NEGR1: variants seen among roughly 807,000 people sequenced by gnomAD.
NEGR1 encodes IgLON family member 4.
In NEGR1, 10 loss-of-function variants were observed where a neutral mutation model predicts 40.9. The ratio of observed to expected loss-of-function variants is 0.24; its 90% CI spans 0.15 to 0.42. NEGR1 has a LOEUF of 0.42. NEGR1 is among the 10% of genes least tolerant of loss of function. The pLI is 1.00. For missense variants in NEGR1, 352 were observed against 438.9 expected, an observed-to-expected ratio of 0.80 and a Z score of 1.77; for synonymous variants, 185 against 166.8, an observed-to-expected ratio of 1.11 and a Z score of -0.84.
At position 71,862,682 on chromosome 1, in the gene NEGR1, T is replaced by C. The variant is rs143563879; in HGVS notation, c.409+72397A>G. 2.8e-4 allele frequency among the ~76,000 whole-genome samples: 42 copies of C among 152,172 alleles called. 1 individual carries two copies. In the East Asian group the frequency reaches 7.9e-3, roughly 29 times the overall value. On this transcript the variant is annotated intron_variant, in intron 2 of 6. Transcript: ENST00000357731. ...ATTTTCTAGTGCAATGCTGGGTACA[T>C]CATATGCCATCAAAAATACATTTGA...
intron 1 of NEGR1, among the ~76,000 whole-genome samples, chr1:72,147,963 C>T (rs756027706): frequency 2.0e-5 from 3 of 152,128 alleles, no homozygotes; most frequent in Non-Finnish European, 2.9e-5. Context: ...CAGCCTCCCT[C>T]CTGGTTGCTT....
intron 1 of NEGR1, among the ~76,000 whole-genome samples, chr1:72,171,823 A>G (rs977497883): frequency 1.3e-5 from 2 of 152,208 alleles, no homozygotes; most frequent in African/African-American, 4.8e-5. Flanking sequence ...ATGAGGAAAC[A>G]CCAAATAATG....
chr1:72,083,756 A>G lies in NEGR1; in HGVS notation c.177-148445T>C, dbSNP rs569653816. 5.9e-5 allele frequency among the ~76,000 whole-genome samples: 9 copies of G among 152,002 alleles called. No individual in the cohort carries two copies. The South Asian group carries it at 1.9e-3, about 32-fold the overall frequency. ...GGACTTTATTTTTTAGGGTAGTTTC[A>G]GTTCACAGCAAAATGGAGTGGAAAG... On this transcript the variant is annotated intron_variant, in intron 1 of 6. Transcript: ENST00000357731.
In NEGR1 at chr1:71,609,468, T is replaced by C. The variant is rs564319250; in HGVS notation, c.788+1558A>G. Among the ~76,000 whole-genome samples the C allele has an allele frequency of 2.3e-3, 269 of 115,742 alleles. 2 individuals carry two copies. The highest frequency in any genetic ancestry group is 3.3e-3 in the South Asian group (11 of 3,328). The allele number at this position is 115,742 out of a possible 152,430, so 75.9% of individuals were successfully genotyped here. On this transcript the variant is annotated intron_variant, in intron 5 of 6. Coordinates refer to ENST00000357731, the MANE Select transcript of NEGR1 (RefSeq NM_173808.3). ...AGGCGGAGCTTGCAGTGAGCCGACATCACGCCACTGCACTCCAGCCTGGGC... is the reference window on the plus strand; with the variant it reads ...AGGCGGAGCTTGCAGTGAGCCGACACCACGCCACTGCACTCCAGCCTGGGC...
chr1:72,048,251 C>T (rs914771039), intron 1 of NEGR1, among the ~76,000 whole-genome samples: 1 of 151,592 alleles, frequency 6.6e-6, no homozygotes, highest in Non-Finnish European at 1.5e-5. Context: ...ACTCTTTCTT[C>T]GTTAAACTAA....
intron 4 of NEGR1, among the ~76,000 whole-genome samples, chr1:71,649,858 C>A (rs1320287602): frequency 1.3e-5 from 2 of 152,184 alleles, no homozygotes; most frequent in African/African-American, 2.4e-5. Context: ...GAGCTTAAGA[C>A]AAGTCAGATA....
intron 1 of NEGR1, among the ~76,000 whole-genome samples, chr1:71,977,804 G>A (rs1359382288): frequency 3.1e-5 from 4 of 128,548 alleles, no homozygotes; most frequent in South Asian, 2.5e-4. Context: ...CCCCAACAAA[G>A]AGACTAAAGC....
intron 2 of NEGR1, among the ~76,000 whole-genome samples, chr1:71,931,623 C>T (rs1645856346): frequency 2.0e-5 from 3 of 152,192 alleles, no homozygotes; most frequent in South Asian, 4.2e-4. Context: ...ACAACTAACC[C>T]AATCCCATGA....
At chr1:71,613,664 A>C (rs200034970) in intron 4 of NEGR1, among the ~76,000 whole-genome samples, 1 of 152,150 alleles carries the variant, frequency 6.6e-6, no homozygotes, top group East Asian at 1.9e-4. Context: ...TCGAAAAAAA[A>C]AAAAAAGAAT....
At chr1:71,845,758 C>CCT (rs35820970) in intron 2 of NEGR1, among the ~76,000 whole-genome samples, 1 of 151,786 alleles carries the variant, frequency 6.6e-6, no homozygotes, top group Non-Finnish European at 1.5e-5. Context: ...TACCTACCTA[C>CCT]ATATCTATCT....
At chr1:71,936,858 T>C (rs930990674) in intron 1 of NEGR1, among the ~76,000 whole-genome samples, 15 of 152,246 alleles carry the variant, frequency 9.9e-5, no homozygotes, top group African/African-American at 3.4e-4. Context: ...GCTGTGGTCA[T>C]ATACCAGTGA....
intron 6 of NEGR1, among the ~76,000 whole-genome samples, chr1:71,513,873 T>C (rs1647096288): frequency 6.8e-6 from 1 of 148,006 alleles, no homozygotes. Context: ...GTGCGCACCG[T>C]GCGCGAGCCG....
At chr1:72,160,716 A>C (rs1651526162) in intron 1 of NEGR1, among the ~76,000 whole-genome samples, 1 of 152,106 alleles carries the variant, frequency 6.6e-6, no homozygotes, top group African/African-American at 2.4e-5. Context: ...CTTTTATATA[A>C]ATGGAGCTTT....
intron 3 of NEGR1, among the ~76,000 whole-genome samples, chr1:71,752,464 T>A (rs1240081877): frequency 6.6e-6 from 1 of 152,214 alleles, no homozygotes; most frequent in African/African-American, 2.4e-5. Flanking sequence ...CAGCTAGCTA[T>A]GCAAACAAAC....
At chr1:72,219,303 C>T (rs1653933146) in intron 1 of NEGR1, among the ~76,000 whole-genome samples, 1 of 151,834 alleles carries the variant, frequency 6.6e-6, no homozygotes, top group East Asian at 1.9e-4. Context: ...TGGTAAAGGG[C>T]TTGCCATTTT....
chr1:72,146,908 G>A (rs1204089285), intron 1 of NEGR1, among the ~76,000 whole-genome samples: 1 of 152,032 alleles, frequency 6.6e-6, no homozygotes, highest in African/African-American at 2.4e-5. Context: ...TGAAATTTTG[G>A]GGAAGGTTGC....
At chr1:71,617,326 A>G (rs538682828) in intron 4 of NEGR1, among the ~76,000 whole-genome samples, 2 of 152,370 alleles carry the variant, frequency 1.3e-5, no homozygotes, top group African/African-American at 4.8e-5. Context: ...ATATTAAGGC[A>G]CGATTGTTAG....
chr1:71,542,877 C>T (rs761705768), intron 6 of NEGR1, among the ~76,000 whole-genome samples: 1 of 151,692 alleles, frequency 6.6e-6, no homozygotes, highest in Admixed American at 6.6e-5. Context: ...TTCTGGAGCA[C>T]ATTTAACTTT....
At chr1:71,809,203 A>G (rs1322239411) in intron 2 of NEGR1, among the ~76,000 whole-genome samples, 1 of 152,090 alleles carries the variant, frequency 6.6e-6, no homozygotes, top group African/African-American at 2.4e-5. Context: ...CCTTGTGGAA[A>G]GTGGTGCTTC....
Sources: gnomAD v4.1 joint callset for allele counts (sites outside exome capture counted in the v4.1 genomes callset) on GRCh38, gnomAD v4.1.1 for gene constraint, MANE v1.5 for transcripts, NCBI Gene and HGNC (gene_info 2026-07-23, HGNC 2026-07-21) for gene names.